Variants in PRKCA observed in about 807,000 individuals in gnomAD.
PRKCA encodes the protein protein kinase C alpha.
Under a neutral mutation model 87.0 loss-of-function variants are expected in PRKCA, and 27 were observed. The ratio of observed to expected loss-of-function variants is 0.31; its 90% CI spans 0.23 to 0.43. The LOEUF is 0.43. Among genes scored for constraint, PRKCA ranks in the 20% least tolerant of loss-of-function variants. The probability of loss-of-function intolerance (pLI) is 1.00; values close to 1 mark genes in which losing one functional copy is unlikely to be tolerated. For synonymous variants in PRKCA, 329 were observed against 311.1 expected (o/e 1.06, Z -0.61); for missense variants, 518 against 852.3 (o/e 0.61, Z 4.88).
chr17:66,549,976 C>G (rs1968275812), intron 3 of PRKCA, among the ~76,000 whole-genome samples: 1 of 152,182 alleles, frequency 6.6e-6, no homozygotes, highest in Non-Finnish European at 1.5e-5. Context: ...TCAAGGAATT[C>G]CTCTGAAATT....
intron 3 of PRKCA, among the ~76,000 whole-genome samples, chr17:66,638,545 T>G (rs1349066795): frequency 6.6e-6 from 1 of 152,190 alleles, no homozygotes; most frequent in Non-Finnish European, 1.5e-5. Context: ...CTCTGTATGA[T>G]TGAACTATTT....
chr17:66,412,926 T>G (rs1180432030), intron 2 of PRKCA, among the ~76,000 whole-genome samples: 1 of 152,148 alleles, frequency 6.6e-6, no homozygotes, highest in Non-Finnish European at 1.5e-5. Context: ...CTTCCTACTC[T>G]GATGCACCAC....
chr17:66,684,950 G>A (rs1422844515), intron 5 of PRKCA, among the ~76,000 whole-genome samples: 4 of 152,108 alleles, frequency 2.6e-5, no homozygotes, highest in East Asian at 1.9e-4. Flanking sequence ...CTCCATTTTT[G>A]TGCTCACATT....
chr17:66,322,186 G>T (rs1305921020), intron 2 of PRKCA, among the ~76,000 whole-genome samples: 4 of 152,128 alleles, frequency 2.6e-5, no homozygotes, highest in Non-Finnish European at 5.9e-5. Context: ...TCATTGCCTG[G>T]TCTCTTAGGA....
At chr17:66,348,054 G>A (rs1448903518) in intron 2 of PRKCA, among the ~76,000 whole-genome samples, 1 of 146,256 alleles carries the variant, frequency 6.8e-6, no homozygotes, top group Non-Finnish European at 1.5e-5. Context: ...CGATTCTACT[G>A]CCTCAGACTT....
intron 3 of PRKCA, among the ~76,000 whole-genome samples, chr17:66,534,959 A>G (rs1193663841): frequency 2.0e-5 from 3 of 152,194 alleles, no homozygotes; most frequent in African/African-American, 7.2e-5. Context: ...CTTTGTTACA[A>G]TTATTTACTT....
intron 8 of PRKCA, among the ~76,000 whole-genome samples, chr17:66,709,456 T>C (rs913881531): frequency 6.6e-6 from 1 of 151,518 alleles, no homozygotes; most frequent in African/African-American, 2.4e-5. Context: ...GACTACAGGC[T>C]TGAGCCACCA....
chr17:66,450,139 A>G (rs958508806), intron 2 of PRKCA, among the ~76,000 whole-genome samples: 2 of 152,112 alleles, frequency 1.3e-5, no homozygotes, highest in Non-Finnish European at 1.5e-5. Flanking sequence ...TCGTTAACTC[A>G]TACTGAGTGG....
At chr17:66,356,350 A>G (rs1340761462) in intron 2 of PRKCA, among the ~76,000 whole-genome samples, 1 of 152,174 alleles carries the variant, frequency 6.6e-6, no homozygotes, top group Admixed American at 6.5e-5. Flanking sequence ...ACAAAACACC[A>G]TATAGGCCGG....
intron 3 of PRKCA, among the ~76,000 whole-genome samples, chr17:66,638,022 T>A (rs943053209): frequency 6.6e-6 from 1 of 152,138 alleles, no homozygotes; most frequent in Non-Finnish European, 1.5e-5. Flanking sequence ...TCTGCCATTA[T>A]AGCCAAAGAA....
At chr17:66,645,172 T>A (rs187090798) in intron 4 of PRKCA, among the ~76,000 whole-genome samples, 1 of 152,256 alleles carries the variant, frequency 6.6e-6, no homozygotes, top group Admixed American at 6.5e-5. Flanking sequence ...ACTGAGCAAA[T>A]ATGGTATGAG....
chr17:66,526,802 G>C (rs186027907), intron 3 of PRKCA, among the ~76,000 whole-genome samples: 1 of 152,324 alleles, frequency 6.6e-6, no homozygotes, highest in East Asian at 1.9e-4. Flanking sequence ...CCCTGTGTCT[G>C]TGTGACTCCT....
At chr17:66,493,192 A>C (rs892396808) in intron 2 of PRKCA, among the ~76,000 whole-genome samples, 6 of 152,164 alleles carry the variant, frequency 3.9e-5, no homozygotes, top group Non-Finnish European at 5.9e-5. Flanking sequence ...CCTTAAAAGA[A>C]AACCCTTTAA....
At chr17:66,711,403 T>G (rs1216897120) in intron 8 of PRKCA, among the ~76,000 whole-genome samples, 1 of 152,244 alleles carries the variant, frequency 6.6e-6, no homozygotes, top group Non-Finnish European at 1.5e-5. Context: ...TTCTCACTCT[T>G]ATTTCATTTT....
rs2286675 is a variant in PRKCA, at chr17:66,805,247, T to C, written c.*1210T>C. 8.7e-4 allele frequency: 612 copies of C among 700,762 alleles called. 6 individuals are homozygous for C. The East Asian group carries it at 0.017, about 19-fold the overall frequency. The allele number at this position is 700,762 out of a possible 1,614,324, so 43.4% of individuals were successfully genotyped here. ...CAAAGATGTTTTGTTAATAGAAGGATTTTAATACGTTTTGCAAATGCATCA... is the reference window on the plus strand; with the variant it reads ...CAAAGATGTTTTGTTAATAGAAGGACTTTAATACGTTTTGCAAATGCATCA... On this transcript the variant is annotated 3_prime_UTR_variant, in exon 17 of 17. Transcript: ENST00000413366.
chr17:66,412,951 C>A (rs1210006331), intron 2 of PRKCA, among the ~76,000 whole-genome samples: 1 of 152,132 alleles, frequency 6.6e-6, no homozygotes, highest in Admixed American at 6.5e-5. Context: ...CACAACACTT[C>A]AGATACCAGA....
chr17:66,581,311 A>AT (rs1969423370), intron 3 of PRKCA, among the ~76,000 whole-genome samples: 1 of 152,192 alleles, frequency 6.6e-6, no homozygotes, highest in Non-Finnish European at 1.5e-5. Flanking sequence ...GTCTTGGACA[A>AT]TATATGCACA....
chr17:66,463,871 T>C (rs1318474628), intron 2 of PRKCA, among the ~76,000 whole-genome samples: 2 of 152,228 alleles, frequency 1.3e-5, no homozygotes, highest in Non-Finnish European at 2.9e-5. Flanking sequence ...TTAAGCTGCA[T>C]TGACATTATT....
At chr17:66,749,680 G>C (rs117590635) in intron 13 of PRKCA, among the ~76,000 whole-genome samples, 3,576 of 152,340 alleles carry the variant, frequency 0.023, 45 homozygotes, top group Non-Finnish European at 0.03. Context: ...CACTCAGTGT[G>C]TACTTGGCAT....
Sources: allele counts gnomAD v4.1 joint callset (sites outside exome capture counted in the v4.1 genomes callset), GRCh38; gene constraint gnomAD v4.1.1; transcripts MANE v1.5; gene names NCBI Gene and HGNC (gene_info 2026-07-23, HGNC 2026-07-21).